MDGA1: variants seen among roughly 807,000 people sequenced by gnomAD.
MDGA1 encodes the protein MAM domain containing glycosylphosphatidylinositol anchor 1, also known as MAM domain-containing glycosylphosphatidylinositol anchor protein 1.
MDGA1 carries 54 observed loss-of-function variants against 101.5 expected under a neutral mutation model. The observed-to-expected ratio is 0.53, with a 90% CI of 0.43 to 0.67. The LOEUF (loss-of-function observed/expected upper bound fraction) is 0.67. MDGA1 is among the 30% of genes least tolerant of loss of function. The probability of loss-of-function intolerance (pLI) is 0.00; values close to 1 mark genes in which losing one functional copy is unlikely to be tolerated. For missense variants in MDGA1, 1,083 were observed against 1,323.8 expected, an observed-to-expected ratio of 0.82 and a Z score of 2.82; for synonymous variants, 533 against 558.3, an observed-to-expected ratio of 0.95 and a Z score of 0.64.
chr6:37,665,034 G>A (rs963193258), intron 1 of MDGA1, among the ~76,000 whole-genome samples: 2 of 152,118 alleles, frequency 1.3e-5, no homozygotes, highest in South Asian at 2.1e-4. Flanking sequence ...AAAAGGCTGC[G>A]GCTCCTCCCT....
chr6:37,663,010 A>G (rs1268910460), intron 2 of MDGA1, among the ~76,000 whole-genome samples: 4 of 152,218 alleles, frequency 2.6e-5, no homozygotes, highest in African/African-American at 9.6e-5. Flanking sequence ...CTTTTTGTCC[A>G]TCTGCCTGTC....
In MDGA1 at chr6:37,664,079, G is replaced by A. The variant is rs1220650968; in HGVS notation, c.95C>T (p.Ala32Val). Reference protein sequence around the residue: ...YAPAQAQIVHAGQACVVKEDN... With the variant: ...YAPAQAQIVHVGQACVVKEDN... ...CTCTTTCACCACACATGCCTGGCCC[G>A]CATGCACGATCTGCGCCTGGGCTGG... is the stretch of plus-strand genomic sequence containing the variant. The change falls in exon 2 of 17, where the codon GCG (alanine) becomes GTG (valine). Residue 32 changes from alanine (A) to valine (V), a missense_variant. By Grantham distance (64) the Ala-to-Val change is moderately conservative. Coordinates refer to ENST00000434837, the MANE Select transcript of MDGA1 (RefSeq NM_153487.4). 14 of 1,613,868 alleles carry A rather than the reference G, an allele frequency of 8.7e-6. No homozygotes were observed. Among genetic ancestry groups the A allele is most frequent in the South Asian group, 3.3e-5 (3 of 91,072 alleles).
chr6:37,646,358 C>T lies in MDGA1; in HGVS notation c.2064G>A (p.Ala688=), dbSNP rs150485177. Residue 688 remains alanine (A), a synonymous_variant, in exon 11 of 17, where the codon GCG becomes GCA. Coordinates refer to ENST00000434837, the MANE Select transcript of MDGA1 (RefSeq NM_153487.4). ...LSIRQLNQHN[A]VVKAIPVRRV... The stretch of plus-strand genomic sequence containing the variant: ...GCCGGACCGGGATGGCCTTGACCAC[C>T]GCATTGTGCTGGTTCAACTGTTAAG... 247 of 1,540,108 alleles carry T rather than the reference C, an allele frequency of 1.6e-4. No homozygotes were observed. The Admixed American group carries it at 4.5e-3, about 28-fold the overall frequency.
At chr6:37,649,805 A>G (rs2114018916) in intron 8 of MDGA1, 2 of 600,010 alleles carry the variant, frequency 3.3e-6, no homozygotes, top group Middle Eastern at 2.6e-4. Flanking sequence ...GTTATCAGAC[A>G]GTGTTTCCCT....
Position 37,652,035 on chromosome 6 carries a change from C to T in MDGA1, c.1288G>A (p.Glu430Lys), listed in dbSNP as rs957300427. The part of the protein sequence containing the change: ...PGAPVPDLSV[E>K]VNISSETVPP... ...CCTGTCTCAGAGGAGATGTTGACCTCGACGCTGAGGTCGGGCACGGGTGCC... is the reference window on the plus strand; with the variant it reads ...CCTGTCTCAGAGGAGATGTTGACCTTGACGCTGAGGTCGGGCACGGGTGCC... The change falls in exon 7 of 17, where the codon GAG becomes AAG. Residue 430 changes from glutamate to lysine, a missense_variant. Coordinates refer to ENST00000434837, the MANE Select transcript of MDGA1 (RefSeq NM_153487.4). This position sits in a 1 kb window ranked among gnomAD's most constrained non-coding sequence, Gnocchi z 4.3. The T allele has an allele frequency of 7.5e-6, 12 of 1,602,636 alleles. No individual in the cohort carries two copies. Among genetic ancestry groups the T allele is most frequent in the African/African-American group, 2.7e-5 (2 of 74,800 alleles).
chr6:37,640,687 C>T (rs1764048512), intron 14 of MDGA1, among the ~76,000 whole-genome samples: 1 of 151,902 alleles, frequency 6.6e-6, no homozygotes, highest in African/African-American at 2.4e-5. Flanking sequence ...AGCCCCTGAG[C>T]AGGGGGGACA....
chr6:37,644,769 C>T (rs551232541), intron 12 of MDGA1, 120 bp from the exon 13 acceptor site: 17 of 1,117,450 alleles, frequency 1.5e-5, no homozygotes, highest in East Asian at 6.3e-5. Context: ...CCCAGGATTC[C>T]GGGCTTCAAA....
intron 13 of MDGA1, 118 bp from the exon 14 acceptor site, chr6:37,644,061 C>A (rs1764160586): frequency 1.6e-6 from 2 of 1,279,652 alleles, no homozygotes; most frequent in South Asian, 1.5e-5. Flanking sequence ...CCCCACGCAT[C>A]CTGCCTCACC....
chr6:37,679,431 T>TTTACAGTAGCTA (rs1245965360), intron 1 of MDGA1, among the ~76,000 whole-genome samples: 19 of 152,194 alleles, frequency 1.2e-4, no homozygotes, highest in African/African-American at 4.6e-4. Context: ...GCAAAACACC[T>TTTACAGTAGCTA]GTCTCCAAGC....
Position 37,647,275 on chromosome 6 carries a change from G to T in MDGA1, c.1944C>A (p.Arg648=). ...EFYFDTPNPT[R]SHKLSKNYSY... ...AGTAGTTCTTGGACAGCTTGTGGCT[G>T]CGGGTGGGGTTGGGGGTGTCGAAGT... Residue 648 remains arginine, a synonymous_variant, in exon 10 of 17, where the codon CGC becomes CGA. Coordinates refer to ENST00000434837, the MANE Select transcript of MDGA1 (RefSeq NM_153487.4). The T allele has an allele frequency of 6.4e-7, 1 of 1,560,782 alleles. No individual in the cohort carries two copies. The highest frequency in any genetic ancestry group is 8.7e-7 in the Non-Finnish European group (1 of 1,152,490).
intron 6 of MDGA1, 73 bp downstream of exon 6, chr6:37,654,201 A>G (rs1168424844): frequency 1.5e-5 from 22 of 1,455,346 alleles, no homozygotes; most frequent in Admixed American, 2.8e-5. Flanking sequence ...TTCCTAGTTC[A>G]TTGGTAGCTC....
At chr6:37,662,585 G>A (rs1343445747) in intron 2 of MDGA1, among the ~76,000 whole-genome samples, 1 of 149,440 alleles carries the variant, frequency 6.7e-6, no homozygotes, top group East Asian at 2.0e-4. Flanking sequence ...ACAGTAAGCT[G>A]TGATCACACC....
rs1763985392 is a variant in MDGA1, at chr6:37,638,451, G to A, written c.2667+86C>T. ...TGACTCTTTCCATCCTTAGCCCCCA[G>A]GAAGAAGGACAAGGTTTTCCTAAGT... On this transcript the variant is annotated intron_variant, in intron 15 of 16. Coordinates refer to ENST00000434837, the MANE Select transcript of MDGA1 (RefSeq NM_153487.4). This position sits in a 1 kb window ranked among gnomAD's most constrained non-coding sequence, Gnocchi z 4.8. 3.2e-6 allele frequency: 5 copies of A among 1,586,404 alleles called. No homozygotes were observed. In the South Asian group the frequency reaches 3.4e-5, roughly 11 times the overall value.
rs748634758 is a variant in MDGA1 at position 37,655,837 on chromosome 6, A to T, written c.442T>A (p.Tyr148Asn). The T allele has an allele frequency of 6.2e-7, 1 of 1,613,748 alleles. No homozygotes were observed. The highest frequency in any genetic ancestry group is 1.7e-5 in the Admixed American group (1 of 59,998). The change falls in exon 4 of 17, where the codon TAC (tyrosine) becomes AAC (asparagine). Residue 148 changes from tyrosine (Y) to asparagine (N), a missense_variant. Transcript: ENST00000434837. The surrounding 1 kb of genome is among the most constrained non-coding windows in gnomAD (Gnocchi z 5.1). Reference protein sequence around the residue: ...QTVSDVRGNFYQEKTVFLRCT... With the variant: ...QTVSDVRGNFNQEKTVFLRCT... ...CGCAGGAACACCGTCTTCTCCTGGT[A>T]GAAGTTGCCTCGCACATCGCTCACC...
At chr6:37,670,604 C>A (rs1761848131) in intron 1 of MDGA1, among the ~76,000 whole-genome samples, 1 of 152,210 alleles carries the variant, frequency 6.6e-6, no homozygotes, top group African/African-American at 2.4e-5. Flanking sequence ...AGTATGCAAT[C>A]TAAAAATGTC....
chr6:37,642,344 G>A (rs565094927), intron 14 of MDGA1, among the ~76,000 whole-genome samples: 7 of 151,960 alleles, frequency 4.6e-5, no homozygotes, highest in African/African-American at 1.4e-4. Flanking sequence ...GCTAATTTTT[G>A]TATTTTTAGT....
At chr6:37,667,372 C>A (rs948321628) in intron 1 of MDGA1, among the ~76,000 whole-genome samples, 4 of 152,180 alleles carry the variant, frequency 2.6e-5, no homozygotes, top group Non-Finnish European at 5.9e-5. Flanking sequence ...CCACCTTGGG[C>A]CTCAGTTTCC....
At position 37,638,143 on chromosome 6, in the gene MDGA1, G is replaced by C. The variant is rs1480247078; in HGVS notation, c.2776+62C>G. ...CCAAACACCCTCCCTCAACAGACAGGAACCCCCGCCACGCACAGCTCCCTC... is the reference window on the plus strand; with the variant it reads ...CCAAACACCCTCCCTCAACAGACAGCAACCCCCGCCACGCACAGCTCCCTC... On this transcript the variant is annotated intron_variant, in intron 16 of 16. Transcript: ENST00000434837. The surrounding 1 kb of genome is among the most constrained non-coding windows in gnomAD (Gnocchi z 4.8). The C allele has an allele frequency of 7.1e-7, 1 of 1,403,966 alleles. No homozygotes were observed. Among genetic ancestry groups the C allele is most frequent in the South Asian group, 1.2e-5 (1 of 84,484 alleles). The allele number at this position is 1,403,966 out of a possible 1,614,324, so 87.0% of individuals were successfully genotyped here.
intron 1 of MDGA1, among the ~76,000 whole-genome samples, chr6:37,694,623 C>T (rs984780241): frequency 6.6e-6 from 1 of 152,100 alleles, no homozygotes; most frequent in African/African-American, 2.4e-5. Context: ...CTGTATCTGG[C>T]CAAAGATTCT....
Sources: gnomAD v4.1 joint callset for allele counts (sites outside exome capture counted in the v4.1 genomes callset) on GRCh38, gnomAD v4.1.1 for gene constraint, Gnocchi (gnomAD v3.1) non-coding constraint, MANE v1.5 for transcripts, NCBI Gene and HGNC (gene_info 2026-07-23, HGNC 2026-07-21) for gene names.